Variants in CDC42BPG observed in about 807,000 individuals in gnomAD.
The protein encoded by CDC42BPG is serine/threonine-protein kinase MRCK gamma.
In CDC42BPG, 157 loss-of-function variants were observed where a neutral mutation model predicts 192.2. The observed-to-expected ratio is 0.82, with a 90% CI of 0.72 to 0.93. The LOEUF is 0.93. Among genes scored for constraint, CDC42BPG ranks in the 40% least tolerant of loss-of-function variants. The pLI, the probability that CDC42BPG is intolerant of heterozygous loss-of-function variation, is 0.00. For synonymous variants in CDC42BPG, 981 were observed against 918.5 expected, an observed-to-expected ratio of 1.07 and a Z score of -1.23; for missense variants, 1,992 against 2,122.1, an observed-to-expected ratio of 0.94 and a Z score of 1.20.
At chr11:64,824,590 G>T in intron 36 of CDC42BPG, 61 bp from the exon 37 acceptor site, 1 of 1,241,056 alleles carries the variant, frequency 8.1e-7, no homozygotes, top group Non-Finnish European at 1.2e-6. Flanking sequence ...TCCTCATAGG[G>T]CTGGTGGGTC....
intron 36 of CDC42BPG, among the ~76,000 whole-genome samples, chr11:64,825,960 G>A (rs2136237397): frequency 6.6e-6 from 1 of 151,644 alleles, no homozygotes; most frequent in South Asian, 2.1e-4. Context: ...CAGCGACTTG[G>A]GAGAGGCTGA....
chr11:64,831,337 G>A (rs1242835282), intron 28 of CDC42BPG, among the ~76,000 whole-genome samples, 168 bp downstream of exon 28: 1 of 152,176 alleles, frequency 6.6e-6, no homozygotes, highest in Non-Finnish European at 1.5e-5. Flanking sequence ...CCCCCTACCT[G>A]GGGGCCCAGC....
In CDC42BPG at chr11:64,832,914, G is replaced by A. The variant is rs1026719618; in HGVS notation, c.2777C>T (p.Pro926Leu). 6 of 1,548,010 alleles carry A rather than the reference G, an allele frequency of 3.9e-6. No individual in the cohort carries two copies. The highest frequency in any genetic ancestry group is 5.2e-6 in the Non-Finnish European group (6 of 1,146,202). ...CHTTCAPQAP[P>L]CPVPPDLLRT... ...GAGGAGGTCAGGGGGCACGGGGCAG[G>A]GTGGGGCCTGTGGGGCACAGGTTGT... The change falls in exon 25 of 37, where the codon CCC (proline) becomes CTC (leucine). Residue 926 changes from proline to leucine, a missense_variant. Physicochemically the swap from Pro to Leu is moderately conservative, Grantham distance 98 (BLOSUM62 -3). This residue lies in a region of CDC42BPG where 1,656 missense variants were observed against 1,844.3 expected (regional missense o/e 0.90). Transcript: ENST00000342711.
At chr11:64,842,421 T>C (rs1391599011) in intron 1 of CDC42BPG, among the ~76,000 whole-genome samples, 3 of 152,046 alleles carry the variant, frequency 2.0e-5, no homozygotes, top group African/African-American at 4.8e-5. Context: ...AGGTGCCTGG[T>C]TGGGGGTGAG....
chr11:64,832,293 A>G, intron 27 of CDC42BPG, 135 bp downstream of exon 27: 1 of 909,308 alleles, frequency 1.1e-6, no homozygotes, highest in East Asian at 2.6e-5. Context: ...AGACCGGGCC[A>G]GGTGCTCACG....
chr11:64,840,702 C>T (rs965199882), intron 3 of CDC42BPG, 54 bp from the exon 4 acceptor site: 2 of 1,458,836 alleles, frequency 1.4e-6, no homozygotes, highest in South Asian at 1.1e-5. Flanking sequence ...CCCAGGATGC[C>T]CCCCTTGCCA....
At chr11:64,831,846 C>G (rs1183475264) in intron 27 of CDC42BPG, 125 bp from the exon 28 acceptor site, 6 of 812,758 alleles carry the variant, frequency 7.4e-6, no homozygotes, top group East Asian at 5.4e-5. Flanking sequence ...GGGAGTAGGC[C>G]AGACAGGCAA....
At position 64,844,576 on chromosome 11, in the gene CDC42BPG, G is replaced by C; in HGVS notation, c.-7C>G. The stretch of plus-strand genomic sequence containing the variant: ...CGCGCAGCCGCCGCTCCATGGCTGC[G>C]GCCGGAGCCTCGCTGCTCGGCTACA... On this transcript the variant is annotated 5_prime_UTR_variant, in exon 1 of 37. Coordinates refer to ENST00000342711, the MANE Select transcript of CDC42BPG (RefSeq NM_017525.3). 7.9e-7 allele frequency: 1 copy of C among 1,265,344 alleles called. No homozygotes were observed. Among genetic ancestry groups the C allele is most frequent in the South Asian group, 2.7e-5 (1 of 36,674 alleles). The allele number at this position is 1,265,344 out of a possible 1,614,324, so 78.4% of individuals were successfully genotyped here.
At position 64,829,963 on chromosome 11, in the gene CDC42BPG, CAA is replaced by C; in HGVS notation, c.3473_3474del (p.Phe1158CysfsTer63). On this transcript the variant is annotated frameshift_variant, in exon 30 of 37. Transcript: ENST00000342711. LOFTEE classifies it high-confidence loss of function. ...LCGRGPSVRL[F>X]ALAELENIEV... ...TCTATGTTCTCCAGCTCCGCCAGGGCAAAGAGACGCACGCTGGGGCCGCGGCC... is the reference window on the plus strand; with the variant it reads ...TCTATGTTCTCCAGCTCCGCCAGGGCAGAGACGCACGCTGGGGCCGCGGCC... The C allele has an allele frequency of 6.2e-7, 1 of 1,612,652 alleles. No homozygotes were observed. The highest frequency in any genetic ancestry group is 1.7e-5 in the Admixed American group (1 of 59,928).
intron 30 of CDC42BPG, 44 bp from the exon 31 acceptor site, chr11:64,827,827 C>A: frequency 6.7e-7 from 1 of 1,503,604 alleles, no homozygotes; most frequent in South Asian, 1.2e-5. Flanking sequence ...CCCCTCTGTT[C>A]CACAGGGAAC....
In CDC42BPG at chr11:64,824,261, C is replaced by T; in HGVS notation, c.*212G>A. The T allele has an allele frequency of 3.2e-6, 2 of 632,458 alleles. No homozygotes were observed. Among genetic ancestry groups the T allele is most frequent in the South Asian group, 3.7e-5 (2 of 53,684 alleles). The allele number at this position is 632,458 out of a possible 1,614,324, so 39.2% of individuals were successfully genotyped here. On this transcript the variant is annotated 3_prime_UTR_variant, in exon 37 of 37. Transcript: ENST00000342711. The stretch of plus-strand genomic sequence containing the variant: ...TCCCAATGGCTTAGAAAGGCTGGGG[C>T]TGGGAACAGAGGGGTAAGGCAGGAT...
intron 6 of CDC42BPG, 105 bp downstream of exon 6, chr11:64,839,372 TC>T (rs1943174879): frequency 5.4e-6 from 8 of 1,493,534 alleles, no homozygotes; most frequent in African/African-American, 1.4e-5. Flanking sequence ...TCACCCACCT[TC>T]CCCGGGGGGC....
rs1942969171 is a variant in CDC42BPG, at chr11:64,836,062, C to T, written c.1668+55G>A. On this transcript the variant is annotated intron_variant, in intron 13 of 36. Transcript: ENST00000342711. ...CCCACCAAGCTCCCCATGCTCCCTC[C>T]AGGCACACTGGGGGCAGGGCCCAGG... 2.6e-6 allele frequency: 4 copies of T among 1,522,534 alleles called. No homozygotes were observed. In the Admixed American group the frequency reaches 8.0e-5, roughly 30 times the overall value. The allele number at this position is 1,522,534 out of a possible 1,614,324, so 94.3% of individuals were successfully genotyped here.
In CDC42BPG at chr11:64,838,899, G is replaced by A. The variant is rs1943147701; in HGVS notation, c.880C>T (p.His294Tyr). Residue 294 changes from histidine to tyrosine, a missense_variant, in exon 8 of 37, where the codon CAC (histidine) becomes TAC (tyrosine). By Grantham distance (83) the His-to-Tyr change is moderately conservative. This residue lies in a region of CDC42BPG where 1,656 missense variants were observed against 1,844.3 expected (regional missense o/e 0.90). Coordinates refer to ENST00000342711, the MANE Select transcript of CDC42BPG (RefSeq NM_017525.3). Reference protein sequence around the residue: ...TYGKIMNHEDHLQFPPDVPDV... With the variant: ...TYGKIMNHEDYLQFPPDVPDV... ...GGCACGTCCGGGGGGAACTGCAGGT[G>A]GTCCTGTGGGTCGGGGGAGGGGGCA... 1.2e-6 allele frequency: 2 copies of A among 1,607,256 alleles called. No individual in the cohort carries two copies.
At chr11:64,828,780 G>C (rs879537278) in intron 30 of CDC42BPG, among the ~76,000 whole-genome samples, 1 of 152,210 alleles carries the variant, frequency 6.6e-6, no homozygotes, top group Non-Finnish European at 1.5e-5. Flanking sequence ...GGCTGGACGC[G>C]TTGGCTAACG....
intron 1 of CDC42BPG, 74 bp downstream of exon 1, chr11:64,844,336 A>T: frequency 8.6e-6 from 11 of 1,277,134 alleles, no homozygotes; most frequent in Non-Finnish European, 1.1e-5. Context: ...TCCCTGCGGG[A>T]AAGTCTGCGG....
At chr11:64,830,414 G>A in intron 28 of CDC42BPG, 158 bp from the exon 29 acceptor site, 2 of 702,830 alleles carry the variant, frequency 2.8e-6, no homozygotes, top group Non-Finnish European at 5.0e-6. Context: ...TCCCAGTCTG[G>A]ACAGGCTTTT....
chr11:64,826,375 T>C, intron 36 of CDC42BPG, 95 bp downstream of exon 36: 1 of 857,018 alleles, frequency 1.2e-6, no homozygotes. Context: ...GGGCTCAGCT[T>C]GTTCCCTAGC....
chr11:64,829,618 C>T lies in CDC42BPG; in HGVS notation c.3820G>A (p.Gly1274Arg), dbSNP rs374392572. The change falls in exon 30 of 37, where the codon GGG becomes AGG. Residue 1274 changes from glycine to arginine, a missense_variant. Gly to Arg is a moderately radical substitution (Grantham distance 125, BLOSUM62 -2). Around this residue, in one of 2 missense-constraint regions of CDC42BPG, gnomAD observed 1,656 missense variants for 1,844.3 expected, o/e 0.90. Transcript: ENST00000342711. ...LVPEELPPSR[G>R]GLGEALGAVE... Reference sequence around the variant, plus strand: ...GCACCCAGTGCCTCACCCAGGCCCCCGCGGGATGGTGGCAGCTCCTCAGGC... The same window carrying T: ...GCACCCAGTGCCTCACCCAGGCCCCTGCGGGATGGTGGCAGCTCCTCAGGC... 39 of 1,611,450 alleles carry T rather than the reference C, an allele frequency of 2.4e-5. No individual in the cohort carries two copies. The Middle Eastern group carries it at 4.9e-4, about 20-fold the overall frequency.
Sources: gnomAD v4.1 joint callset for allele counts (sites outside exome capture counted in the v4.1 genomes callset) on GRCh38, gnomAD v4.1.1 for gene constraint, gnomAD v4.1.1 regional missense constraint, MANE v1.5 for transcripts, NCBI Gene and HGNC (gene_info 2026-07-23, HGNC 2026-07-21) for gene names.